LGSN: variants seen among roughly 807,000 people sequenced by gnomAD.
LGSN encodes lengsin.
Under a neutral mutation model 19.5 loss-of-function variants are expected in LGSN, and 21 were observed. The ratio of observed to expected loss-of-function variants is 1.07; its 90% CI spans 0.76 to 1.55. The LOEUF is 1.55. Ranked by LOEUF, LGSN falls within the 40% of genes most tolerant of loss-of-function variation. The pLI, the probability that LGSN is intolerant of heterozygous loss-of-function variation, is 0.00. For missense variants in LGSN, 673 were observed against 608.5 expected, an observed-to-expected ratio of 1.11 and a Z score of -1.12; for synonymous variants, 257 against 215.6, an observed-to-expected ratio of 1.19 and a Z score of -1.68.
chr6:63,402,741 C>A, the LGSN span, among the ~76,000 whole-genome samples: 1 of 151,516 alleles, frequency 6.6e-6, no homozygotes, highest in Non-Finnish European at 1.5e-5. Context: ...CCATAGTACC[C>A]AGATGTTTGG....
At chr6:63,410,841 G>C in the LGSN span, among the ~76,000 whole-genome samples, 1 of 152,114 alleles carries the variant, frequency 6.6e-6, no homozygotes, top group East Asian at 1.9e-4. Context: ...AAATCTTAAT[G>C]ACCCCACATG....
intron 3 of LGSN, 108 bp from the exon 4 acceptor site, chr6:63,281,328 T>TAAA (rs1562003808): frequency 3.0e-5 from 5 of 167,824 alleles, no homozygotes; most frequent in African/African-American, 1.3e-4. Context: ...TATATATATA[T>TAAA]ATAATAAATA....
chr6:63,365,608 A>G, the LGSN span, among the ~76,000 whole-genome samples: 1 of 118,200 alleles, frequency 8.5e-6, no homozygotes, highest in Non-Finnish European at 1.6e-5. Flanking sequence ...TCATCCTGAT[A>G]CCAAAGTCTG....
chr6:63,382,862 T>G, the LGSN span, among the ~76,000 whole-genome samples: 31 of 152,328 alleles, frequency 2.0e-4, no homozygotes, highest in East Asian at 5.8e-3. Context: ...GAATTACTGC[T>G]GTCACATACT....
At chr6:63,443,281 GC>G in the LGSN span, among the ~76,000 whole-genome samples, 7 of 152,204 alleles carry the variant, frequency 4.6e-5, no homozygotes, top group Non-Finnish European at 1.0e-4. Flanking sequence ...ACTGGTGCTG[GC>G]CCGCGAGCAC....
intron 1 of LGSN, 146 bp downstream of exon 1, chr6:63,319,768 A>G (rs1769017125): frequency 1.5e-6 from 1 of 674,778 alleles, no homozygotes; most frequent in South Asian, 1.6e-5. Context: ...CAGAAGGGCA[A>G]TTCTTCATAA....
chr6:63,453,525 C>T, the LGSN span, among the ~76,000 whole-genome samples: 1 of 151,642 alleles, frequency 6.6e-6, no homozygotes, highest in Non-Finnish European at 1.5e-5. Flanking sequence ...ATGTAATGTT[C>T]TTCATTACCC....
chr6:63,320,849 A>T (rs1372270136), upstream of LGSN, among the ~76,000 whole-genome samples: 1 of 152,112 alleles, frequency 6.6e-6, no homozygotes, highest in Non-Finnish European at 1.5e-5. Flanking sequence ...CCAAGCCAAT[A>T]CTTACAACCA....
the LGSN span, among the ~76,000 whole-genome samples, chr6:63,420,177 G>A: frequency 2.6e-5 from 4 of 150,952 alleles, no homozygotes; most frequent in African/African-American, 9.7e-5. Flanking sequence ...CACTCCAGCG[G>A]AGGCGACAGA....
At chr6:63,362,556 G>A in the LGSN span, among the ~76,000 whole-genome samples, 775 of 152,316 alleles carry the variant, frequency 5.1e-3, 5 homozygotes, top group Middle Eastern at 0.01. Flanking sequence ...TATATCCCCC[G>A]CCTGGCTCAG....
At chr6:63,453,607 T>C in the LGSN span, among the ~76,000 whole-genome samples, 16 of 152,178 alleles carry the variant, frequency 1.1e-4, no homozygotes, top group African/African-American at 3.6e-4. Context: ...TTTGTTTGCA[T>C]GGTATATTGT....
chr6:63,445,272 T>C, the LGSN span, among the ~76,000 whole-genome samples: 1 of 151,408 alleles, frequency 6.6e-6, no homozygotes, highest in East Asian at 2.0e-4. Context: ...GATCGCGTCA[T>C]TGCACTCCAT....
chr6:63,334,964 C>T, the LGSN span, among the ~76,000 whole-genome samples: 1 of 151,608 alleles, frequency 6.6e-6, no homozygotes, highest in Admixed American at 6.6e-5. Flanking sequence ...TGGTGAAACC[C>T]CATCTTTACT....
At chr6:63,572,558 TAG>T in the LGSN span, 13 of 409,324 alleles carry the variant, frequency 3.2e-5, no homozygotes, top group African/African-American at 2.3e-4. Context: ...CACTGCATGG[TAG>T]AGTCTGGTGC....
chr6:63,501,181 G>A, the LGSN span, among the ~76,000 whole-genome samples: 1 of 151,972 alleles, frequency 6.6e-6, no homozygotes, highest in Non-Finnish European at 1.5e-5. Flanking sequence ...AGACTACCCT[G>A]GCCAAAATGG....
At chr6:63,414,730 C>T in the LGSN span, among the ~76,000 whole-genome samples, 4 of 152,306 alleles carry the variant, frequency 2.6e-5, no homozygotes, top group East Asian at 1.9e-4. Flanking sequence ...GCCTGGGCAA[C>T]ATGGCCAAAT....
the LGSN span, among the ~76,000 whole-genome samples, chr6:63,436,715 G>T: frequency 6.6e-6 from 1 of 152,140 alleles, no homozygotes; most frequent in South Asian, 2.1e-4. Flanking sequence ...GGACACCCAA[G>T]AATTCCACAG....
the LGSN span, among the ~76,000 whole-genome samples, chr6:63,402,736 G>C: frequency 6.6e-6 from 1 of 151,968 alleles, no homozygotes; most frequent in African/African-American, 2.4e-5. Flanking sequence ...CTAAGCCATA[G>C]TACCCAGATG....
chr6:63,477,471 G>A, the LGSN span, among the ~76,000 whole-genome samples: 23 of 152,032 alleles, frequency 1.5e-4, no homozygotes, highest in South Asian at 4.4e-3. Flanking sequence ...GGCTAATAAA[G>A]CATTTAAAGT....
Sources: gnomAD v4.1 joint callset for allele counts (sites outside exome capture counted in the v4.1 genomes callset) on GRCh38, gnomAD v4.1.1 for gene constraint, MANE v1.5 for transcripts, NCBI Gene and HGNC (gene_info 2026-07-23, HGNC 2026-07-21) for gene names.